Variants in PLA2G4A observed in about 807,000 individuals in gnomAD.
PLA2G4A encodes phospholipase A2 group IVA.
PLA2G4A carries 40 observed loss-of-function variants against 81.9 expected under a neutral mutation model. That is an observed-to-expected ratio of 0.49 (90% CI 0.38 to 0.64). PLA2G4A has a LOEUF of 0.64. PLA2G4A is among the 30% of genes least tolerant of loss of function. The pLI, the probability that PLA2G4A is intolerant of heterozygous loss-of-function variation, is 0.00. For missense variants in PLA2G4A, 715 were observed against 905.1 expected (o/e 0.79, Z 2.69); for synonymous variants, 302 against 296.9 (o/e 1.02, Z -0.18).
chr1:186,840,604 A>G (rs1211982550), intron 1 of PLA2G4A, among the ~76,000 whole-genome samples: 1 of 152,166 alleles, frequency 6.6e-6, no homozygotes, highest in East Asian at 1.9e-4. Flanking sequence ...GTAATTCCAT[A>G]TTTTAAACTG....
At chr1:186,889,342 A>AT (rs1382788367) in intron 3 of PLA2G4A, among the ~76,000 whole-genome samples, 1 of 152,194 alleles carries the variant, frequency 6.6e-6, no homozygotes, top group African/African-American at 2.4e-5. Flanking sequence ...CAAGCCCTTA[A>AT]TTCCACTACA....
chr1:186,831,424 C>A (rs1452222686), intron 1 of PLA2G4A, among the ~76,000 whole-genome samples: 1 of 152,122 alleles, frequency 6.6e-6, no homozygotes, highest in Non-Finnish European at 1.5e-5. Flanking sequence ...CTAGACTCAA[C>A]CCCAATAATA....
intron 1 of PLA2G4A, among the ~76,000 whole-genome samples, chr1:186,836,294 C>T (rs1445344293): frequency 6.6e-6 from 1 of 150,552 alleles, no homozygotes; most frequent in Non-Finnish European, 1.5e-5. Flanking sequence ...ATATAATATA[C>T]CTTAATAATA....
intron 7 of PLA2G4A, among the ~76,000 whole-genome samples, chr1:186,916,441 G>A (rs1298368214): frequency 1.3e-5 from 2 of 152,140 alleles, no homozygotes; most frequent in South Asian, 2.1e-4. Context: ...CATGACAAAT[G>A]TACTTATTTT....
At chr1:186,868,573 A>T (rs1428315995) in intron 2 of PLA2G4A, among the ~76,000 whole-genome samples, 1 of 152,204 alleles carries the variant, frequency 6.6e-6, no homozygotes, top group Non-Finnish European at 1.5e-5. Context: ...TATCTTCTGG[A>T]AAGATTGTAG....
At position 186,979,519 on chromosome 1, in the gene PLA2G4A, C is replaced by A. The variant is rs142699319; in HGVS notation, c.2118+47C>A. On this transcript the variant is annotated intron_variant, in intron 17 of 17. Transcript: ENST00000367466. ...TGACTATGTCAAATGACTTCCATAC[C>A]GTATAAATACACCAATACCTCTTTT... 155 of 1,161,498 alleles carry A rather than the reference C, an allele frequency of 1.3e-4. No homozygotes were observed. In the East Asian group the frequency reaches 3.5e-3, roughly 26 times the overall value. 71.9% of individuals were successfully genotyped at this position (1,161,498 alleles called of 1,614,324 possible). A position where few individuals can be genotyped will look rare whatever the true frequency, so the allele number is the denominator to read the frequency against.
At chr1:186,875,605 A>G (rs1653463855) in intron 3 of PLA2G4A, among the ~76,000 whole-genome samples, 1 of 152,058 alleles carries the variant, frequency 6.6e-6, no homozygotes, top group South Asian at 2.1e-4. Flanking sequence ...TCATACATAT[A>G]AAGATACCTT....
chr1:186,950,801 C>T, intron 13 of PLA2G4A, 73 bp downstream of exon 13: 3 of 815,076 alleles, frequency 3.7e-6, no homozygotes, highest in South Asian at 2.7e-5. Flanking sequence ...GATTTTCTCA[C>T]TCAAGATGCT....
intron 13 of PLA2G4A, among the ~76,000 whole-genome samples, chr1:186,951,366 CAT>C (rs1198517107): frequency 3.3e-5 from 5 of 151,572 alleles, no homozygotes; most frequent in African/African-American, 1.2e-4. Flanking sequence ...ATATGAAAGT[CAT>C]ATTTGTTGTA....
chr1:186,974,497 A>G (rs1229384518), intron 15 of PLA2G4A, among the ~76,000 whole-genome samples: 3 of 152,226 alleles, frequency 2.0e-5, no homozygotes, highest in African/African-American at 4.8e-5. Flanking sequence ...TCTGTCAAAC[A>G]AAACACCAAA....
intron 7 of PLA2G4A, among the ~76,000 whole-genome samples, chr1:186,929,826 G>A (rs1655675111): frequency 6.6e-6 from 1 of 152,094 alleles, no homozygotes; most frequent in African/African-American, 2.4e-5. Context: ...AGTTGGGAGG[G>A]CAAGGTGGGC....
intron 7 of PLA2G4A, among the ~76,000 whole-genome samples, chr1:186,917,945 G>A (rs1021419007): frequency 7.9e-5 from 12 of 152,272 alleles, no homozygotes; most frequent in African/African-American, 2.6e-4. Context: ...TAGAAGTACC[G>A]GCCTAACAAT....
Position 186,927,921 on chromosome 1 carries a change from A to T in PLA2G4A, c.559-4842A>T, listed in dbSNP as rs528304440. On this transcript the variant is annotated intron_variant, in intron 7 of 17. Transcript: ENST00000367466. ...CTCGCCTCTTTCCACCTTCATTCTG[A>T]CAATGGCACTTTGTGCTATCAATCT... Among the ~76,000 whole-genome samples, 15 of 152,240 alleles carry T rather than the reference A, an allele frequency of 9.9e-5. No individual in the cohort carries two copies. In the South Asian group the frequency reaches 3.1e-3, roughly 32 times the overall value.
chr1:186,858,527 C>G (rs1652675606), intron 2 of PLA2G4A, among the ~76,000 whole-genome samples: 2 of 151,972 alleles, frequency 1.3e-5, no homozygotes, highest in African/African-American at 4.8e-5. Flanking sequence ...GGGTAGACTG[C>G]CAAAATTTTC....
intron 7 of PLA2G4A, among the ~76,000 whole-genome samples, chr1:186,919,851 T>C (rs6688292): frequency 0.56 from 85,803 of 152,000 alleles, 25,848 homozygotes; most frequent in African/African-American, 0.78. Flanking sequence ...CTGTACTGGC[T>C]GGTAGTCCTT....
At chr1:186,872,448 A>T (rs10798062) in intron 3 of PLA2G4A, among the ~76,000 whole-genome samples, 11,526 of 152,180 alleles carry the variant, frequency 0.076, 540 homozygotes, top group African/African-American at 0.12. Flanking sequence ...GGCATGCAAA[A>T]GACAGAGCTA....
chr1:186,977,112 G>A (rs913172458), intron 15 of PLA2G4A, among the ~76,000 whole-genome samples: 1 of 152,162 alleles, frequency 6.6e-6, no homozygotes, highest in African/African-American at 2.4e-5. Context: ...AGCTGATTCA[G>A]AGTAACTCAA....
chr1:186,941,917 A>C (rs759072566), intron 10 of PLA2G4A, among the ~76,000 whole-genome samples: 1 of 152,222 alleles, frequency 6.6e-6, no homozygotes, highest in East Asian at 1.9e-4. Context: ...GAGACTTCTC[A>C]CAATGTTTTG....
Position 186,932,619 on chromosome 1 carries a change from A to G in PLA2G4A, c.559-144A>G. On this transcript the variant is annotated intron_variant, in intron 7 of 17. Coordinates refer to ENST00000367466, the MANE Select transcript of PLA2G4A (RefSeq NM_024420.3). ...CCCGGCCTTATTTTCTTCTTTTAAAAAATTAGGCATTACTAAAGTATGAAG... is the reference window on the plus strand; with the variant it reads ...CCCGGCCTTATTTTCTTCTTTTAAAGAATTAGGCATTACTAAAGTATGAAG... 3.2e-5 allele frequency: 9 copies of G among 281,556 alleles called. 4 individuals are homozygous for G. The highest frequency in any genetic ancestry group is 6.0e-5 in the Non-Finnish European group (8 of 133,988). 17.4% of individuals were successfully genotyped at this position (281,556 alleles called of 1,614,324 possible).
Sources: gnomAD v4.1 joint callset for allele counts (sites outside exome capture counted in the v4.1 genomes callset) on GRCh38, gnomAD v4.1.1 for gene constraint, MANE v1.5 for transcripts, NCBI Gene and HGNC (gene_info 2026-07-23, HGNC 2026-07-21) for gene names.